SOX5: variants seen among roughly 807,000 people sequenced by gnomAD.
The protein encoded by SOX5 is transcription factor SOX-5.
Under a neutral mutation model 92.0 loss-of-function variants are expected in SOX5, and 9 were observed. That is an observed-to-expected ratio of 0.10 (90% CI 0.06 to 0.17). The LOEUF is 0.17. Ranked by LOEUF, SOX5 falls within the 10% of genes least tolerant of loss-of-function variation. SOX5 has a pLI of 1.00. For synonymous variants in SOX5, 344 were observed against 336.3 expected (o/e 1.02, Z -0.25); for missense variants, 642 against 944.5 (o/e 0.68, Z 4.20).
At chr12:24,323,036 T>C (rs938529494) in intron 2 of SOX5, among the ~76,000 whole-genome samples, 5 of 152,014 alleles carry the variant, frequency 3.3e-5, no homozygotes, top group Non-Finnish European at 7.4e-5. Context: ...ACAGCCCTTA[T>C]CTAAGTGTGG....
intron 9 of SOX5, among the ~76,000 whole-genome samples, chr12:23,598,387 CTTTTTT>C (rs201719026): frequency 9.5e-5 from 9 of 95,128 alleles, no homozygotes; most frequent in Non-Finnish European, 1.8e-4. Context: ...TGTGCTTTAT[CTTTTTT>C]TTTTTTTTTT....
At chr12:23,772,515 G>T (rs1423770085) in intron 3 of SOX5, among the ~76,000 whole-genome samples, 1 of 152,118 alleles carries the variant, frequency 6.6e-6, no homozygotes, top group African/African-American at 2.4e-5. Flanking sequence ...AAAAGAAAAA[G>T]TTCTCTCAAA....
At chr12:24,287,632 T>TTC (rs1420409151) in intron 2 of SOX5, among the ~76,000 whole-genome samples, 2 of 123,008 alleles carry the variant, frequency 1.6e-5, no homozygotes, top group East Asian at 4.4e-4. Flanking sequence ...TGCCCCAGGG[T>TTC]TCTTCTAGTT....
intron 2 of SOX5, among the ~76,000 whole-genome samples, chr12:23,865,252 A>T (rs1456480300): frequency 2.0e-5 from 3 of 152,336 alleles, no homozygotes; most frequent in East Asian, 3.9e-4. Flanking sequence ...ACAACGCACC[A>T]AGTCACCCAG....
At chr12:24,090,415 A>T (rs993010349) in intron 4 of SOX5, among the ~76,000 whole-genome samples, 5 of 152,156 alleles carry the variant, frequency 3.3e-5, no homozygotes, top group Non-Finnish European at 7.4e-5. Flanking sequence ...TGTTTGGTCA[A>T]AGACCACTGA....
rs2096878796 is a variant in SOX5 at position 23,872,051 on chromosome 12, G to GCCA, written c.270+23741_270+23742insTGG. Reference sequence around the variant, plus strand: ...CTTGCTCTGTCTCCCAGGCTGGAGTGCAGTGGCGCCATCTCAGCTCACTGC... The same window carrying GCCA: ...CTTGCTCTGTCTCCCAGGCTGGAGTGCCACAGTGGCGCCATCTCAGCTCACTGC... On this transcript the variant is annotated intron_variant, in intron 2 of 14. Coordinates refer to ENST00000451604, the MANE Select transcript of SOX5 (RefSeq NM_006940.6). Among the ~76,000 whole-genome samples, 4 of 148,870 alleles carry GCCA rather than the reference G, an allele frequency of 2.7e-5. No individual in the cohort carries two copies. In the South Asian group the frequency reaches 8.5e-4, roughly 31 times the overall value.
intron 7 of SOX5, among the ~76,000 whole-genome samples, chr12:23,654,334 T>C (rs1406713600): frequency 6.6e-6 from 1 of 152,100 alleles, no homozygotes; most frequent in Non-Finnish European, 1.5e-5. Flanking sequence ...TCTTATCCTC[T>C]TAGGTATGAA....
intron 2 of SOX5, among the ~76,000 whole-genome samples, chr12:23,859,496 T>A (rs924805028): frequency 6.6e-6 from 1 of 152,128 alleles, no homozygotes; most frequent in African/African-American, 2.4e-5. Context: ...TGTTTCCTGT[T>A]AAGATGTTTA....
At chr12:24,240,932 A>C (rs558628556) in intron 3 of SOX5, among the ~76,000 whole-genome samples, 1 of 152,210 alleles carries the variant, frequency 6.6e-6, no homozygotes, top group Non-Finnish European at 1.5e-5. Flanking sequence ...TGTGTAACTC[A>C]AATATTCACA....
At chr12:24,263,308 A>ACC (rs1942458166) in intron 3 of SOX5, among the ~76,000 whole-genome samples, 1 of 151,812 alleles carries the variant, frequency 6.6e-6, no homozygotes. Flanking sequence ...TGGGTGGATC[A>ACC]TGAGGTCAGG....
At chr12:24,261,347 G>A (rs995124262) in intron 3 of SOX5, among the ~76,000 whole-genome samples, 6 of 152,142 alleles carry the variant, frequency 3.9e-5, no homozygotes, top group Non-Finnish European at 8.8e-5. Flanking sequence ...TTGTAGCAAA[G>A]GATCACTCCA....
intron 4 of SOX5, among the ~76,000 whole-genome samples, chr12:24,157,530 G>T (rs564480745): frequency 6.6e-6 from 1 of 152,054 alleles, no homozygotes; most frequent in Non-Finnish European, 1.5e-5. Context: ...ATGGGGCAAC[G>T]CAACTGTTTT....
chr12:24,206,583 C>T (rs77655197), intron 4 of SOX5, among the ~76,000 whole-genome samples: 5,287 of 152,030 alleles, frequency 0.035, 300 homozygotes, highest in African/African-American at 0.12. Context: ...CATCAACCGC[C>T]TCCCCCCAAG....
chr12:24,073,441 G>C (rs1592900327), intron 4 of SOX5, among the ~76,000 whole-genome samples: 1 of 152,120 alleles, frequency 6.6e-6, no homozygotes, highest in Admixed American at 6.6e-5. Flanking sequence ...TGTTATTAAT[G>C]ACTAAGTGCT....
chr12:24,113,498 A>G (rs1259533426), intron 4 of SOX5, among the ~76,000 whole-genome samples: 2 of 152,162 alleles, frequency 1.3e-5, no homozygotes, highest in Non-Finnish European at 2.9e-5. Flanking sequence ...TGGCTCAAAT[A>G]ATCATAAACA....
chr12:24,122,846 A>T lies in SOX5; in HGVS notation c.-2+90497T>A, dbSNP rs115194082. On this transcript the variant is annotated intron_variant, in intron 4 of 4. Transcript: ENST00000446891. ...GTCAGCAGAACATAACTACAGAAAA[A>T]AAATGTTTGAAGGACACAATGTGAT... Among the ~76,000 whole-genome samples the T allele has an allele frequency of 5.8e-3, 879 of 152,334 alleles. 10 individuals carry two copies. The highest frequency in any genetic ancestry group is 0.02 in the African/African-American group (829 of 41,578).
chr12:23,628,687 A>G (rs2078146370), intron 8 of SOX5, among the ~76,000 whole-genome samples: 1 of 152,006 alleles, frequency 6.6e-6, no homozygotes, highest in African/African-American at 2.4e-5. Context: ...AAAAATGGAA[A>G]AACTAGAGTT....
intron 3 of SOX5, among the ~76,000 whole-genome samples, chr12:23,790,821 A>C (rs2095462941): frequency 6.6e-6 from 1 of 152,168 alleles, no homozygotes. Context: ...AGGGCCAAGC[A>C]CAGTAATAGG....
At chr12:24,324,776 G>T (rs1033227705) in intron 2 of SOX5, among the ~76,000 whole-genome samples, 2 of 151,874 alleles carry the variant, frequency 1.3e-5, no homozygotes, top group Non-Finnish European at 2.9e-5. Context: ...ACCTCATAGG[G>T]TTATCATGAA....
Sources: gnomAD v4.1 joint callset for allele counts (sites outside exome capture counted in the v4.1 genomes callset) on GRCh38, gnomAD v4.1.1 for gene constraint, MANE v1.5 for transcripts, NCBI Gene and HGNC (gene_info 2026-07-23, HGNC 2026-07-21) for gene names.